SLC24A2: variants seen among roughly 807,000 people sequenced by gnomAD.
SLC24A2 encodes sodium/potassium/calcium exchanger 2.
A neutral mutation model predicts 62.0 loss-of-function variants in SLC24A2; 36 were observed. That is an observed-to-expected ratio of 0.58 (90% CI 0.44 to 0.77). The LOEUF is 0.77. Among genes scored for constraint, SLC24A2 ranks in the 30% least tolerant of loss-of-function variants. The pLI, the probability that SLC24A2 is intolerant of heterozygous loss-of-function variation, is 0.00. For missense variants in SLC24A2, 846 were observed against 817.9 expected, an observed-to-expected ratio of 1.03 and a Z score of -0.42; for synonymous variants, 358 against 294.0, an observed-to-expected ratio of 1.22 and a Z score of -2.23.
chr9:19,809,765 C>T, the SLC24A2 span, among the ~76,000 whole-genome samples: 2 of 152,134 alleles, frequency 1.3e-5, no homozygotes, highest in African/African-American at 4.8e-5. Flanking sequence ...TCTGTGAGCC[C>T]TATGTAAATC....
intron 2 of SLC24A2, among the ~76,000 whole-genome samples, chr9:19,713,727 C>A (rs532294070): frequency 6.6e-6 from 1 of 152,180 alleles, no homozygotes; most frequent in Admixed American, 6.5e-5. Context: ...GTAACTCCAG[C>A]CCTAGGAAAT....
chr9:19,526,291 T>C (rs1259339874), intron 9 of SLC24A2, among the ~76,000 whole-genome samples: 1 of 152,228 alleles, frequency 6.6e-6, no homozygotes, highest in Non-Finnish European at 1.5e-5. Flanking sequence ...TTGGTAATTA[T>C]GAATAATGCT....
At chr9:19,694,732 A>T (rs1820135744) in intron 2 of SLC24A2, among the ~76,000 whole-genome samples, 1 of 152,180 alleles carries the variant, frequency 6.6e-6, no homozygotes, top group Non-Finnish European at 1.5e-5. Flanking sequence ...AAAGAATACA[A>T]ATCCTTGTTT....
intron 2 of SLC24A2, among the ~76,000 whole-genome samples, chr9:19,631,162 C>T (rs1303998507): frequency 6.6e-6 from 1 of 152,166 alleles, no homozygotes; most frequent in East Asian, 1.9e-4. Context: ...TAGTGGTGCT[C>T]AATGCTCAGT....
the SLC24A2 span, among the ~76,000 whole-genome samples, chr9:19,912,429 C>A: frequency 1.3e-5 from 2 of 152,112 alleles, no homozygotes; most frequent in Non-Finnish European, 2.9e-5. Context: ...GGTTGGAAAT[C>A]ATCGGTTTCA....
the SLC24A2 span, among the ~76,000 whole-genome samples, chr9:19,954,476 C>G: frequency 1.3e-5 from 2 of 151,998 alleles, no homozygotes; most frequent in African/African-American, 4.8e-5. Flanking sequence ...TAAACATAGG[C>G]TATCCCAGAT....
At chr9:19,902,066 C>A in the SLC24A2 span, among the ~76,000 whole-genome samples, 1 of 152,194 alleles carries the variant, frequency 6.6e-6, no homozygotes, top group African/African-American at 2.4e-5. Flanking sequence ...CCTTGCCTGG[C>A]ACAGCCTTAG....
chr9:20,285,105 C>G, the SLC24A2 span, among the ~76,000 whole-genome samples: 16 of 152,092 alleles, frequency 1.1e-4, no homozygotes, highest in Admixed American at 5.9e-4. Context: ...GGAGGTGGCA[C>G]GTCATATTCA....
the SLC24A2 span, among the ~76,000 whole-genome samples, chr9:20,000,906 G>A: frequency 6.6e-6 from 1 of 152,118 alleles, no homozygotes; most frequent in African/African-American, 2.4e-5. Context: ...GAAGGAGGCA[G>A]GAAGCATAAC....
At chr9:20,070,915 G>A in the SLC24A2 span, among the ~76,000 whole-genome samples, 1 of 152,202 alleles carries the variant, frequency 6.6e-6, no homozygotes, top group Non-Finnish European at 1.5e-5. Context: ...AATCCCCGGT[G>A]TTGGAGGTGG....
the SLC24A2 span, among the ~76,000 whole-genome samples, chr9:20,170,187 G>A: frequency 6.6e-6 from 1 of 151,430 alleles, no homozygotes; most frequent in Non-Finnish European, 1.5e-5. Context: ...AAGAAGTCTG[G>A]GATTATGTTA....
the SLC24A2 span, among the ~76,000 whole-genome samples, chr9:20,169,611 C>G: frequency 6.6e-6 from 1 of 151,936 alleles, no homozygotes; most frequent in East Asian, 1.9e-4. Flanking sequence ...TCCCAGGAAG[C>G]CACATCCCTA....
the SLC24A2 span, among the ~76,000 whole-genome samples, chr9:19,949,272 G>A: frequency 1.3e-5 from 2 of 151,950 alleles, no homozygotes; most frequent in Non-Finnish European, 2.9e-5. Context: ...GGGATTACAG[G>A]CATGAGCCAC....
the SLC24A2 span, among the ~76,000 whole-genome samples, chr9:20,276,525 C>G: frequency 2.0e-5 from 3 of 152,204 alleles, no homozygotes; most frequent in Admixed American, 2.0e-4. Flanking sequence ...TTTCCAGGTA[C>G]ATGGTGAAAG....
In SLC24A2 at chr9:19,786,260, C is replaced by T. The variant is rs776025550; in HGVS notation, c.607G>A (p.Val203Ile). 81 of 1,613,992 alleles carry T rather than the reference C, an allele frequency of 5.0e-5. No individual in the cohort carries two copies. Among genetic ancestry groups the T allele is most frequent in the Non-Finnish European group, 6.3e-5 (74 of 1,180,020 alleles). Residue 203 changes from valine (V) to isoleucine (I), a missense_variant, in exon 2 of 11, where the codon GTT (valine) becomes ATT (isoleucine). Val to Ile is a conservative substitution (Grantham distance 29). Transcript: ENST00000341998. This position sits in a 1 kb window ranked among gnomAD's most constrained non-coding sequence, Gnocchi z 5.0. ...GAACCTACAATTGTGCCTATGCCAA[C>T]GTTGCTGTGAGCGATAAATACCCCT... is the stretch of plus-strand genomic sequence containing the variant. The part of the protein sequence containing the change: ...LIGVFIAHSN[V>I]GIGTIVGSAV...
chr9:19,857,523 CTTCT>C, the SLC24A2 span, among the ~76,000 whole-genome samples: 8 of 152,188 alleles, frequency 5.3e-5, no homozygotes, highest in African/African-American at 1.9e-4. Context: ...GTATTTAAAT[CTTCT>C]TTAATTTTTC....
At chr9:20,241,495 C>T in the SLC24A2 span, among the ~76,000 whole-genome samples, 362 of 152,274 alleles carry the variant, frequency 2.4e-3, 4 homozygotes, top group African/African-American at 8.4e-3. Flanking sequence ...TCTCAGCATA[C>T]AGACTATGAG....
At chr9:19,567,145 T>TAAA (rs542321833) in intron 7 of SLC24A2, among the ~76,000 whole-genome samples, 3 of 131,106 alleles carry the variant, frequency 2.3e-5, no homozygotes, top group African/African-American at 8.4e-5. Flanking sequence ...TAAAGTATAA[T>TAAA]AAAAAAAATA....
chr9:20,144,681 T>C, the SLC24A2 span, among the ~76,000 whole-genome samples: 1 of 152,080 alleles, frequency 6.6e-6, no homozygotes, highest in South Asian at 2.1e-4. Context: ...GTCCCATTTG[T>C]TTGTAACAGA....
Sources: gnomAD v4.1 joint callset for allele counts (sites outside exome capture counted in the v4.1 genomes callset) on GRCh38, gnomAD v4.1.1 for gene constraint, Gnocchi (gnomAD v3.1) non-coding constraint, MANE v1.5 for transcripts, NCBI Gene and HGNC (gene_info 2026-07-23, HGNC 2026-07-21) for gene names.